Variants in PRKCB observed in about 807,000 individuals in gnomAD.
The protein encoded by PRKCB is protein kinase C beta type.
PRKCB carries 13 observed loss-of-function variants against 81.5 expected under a neutral mutation model. The ratio of observed to expected loss-of-function variants is 0.16; its 90% CI spans 0.10 to 0.25. The LOEUF (loss-of-function observed/expected upper bound fraction) is 0.25, where lower values mean the gene tolerates loss of function less well. PRKCB is among the 10% of genes least tolerant of loss of function. PRKCB has a pLI of 1.00. For synonymous variants in PRKCB, 335 were observed against 321.4 expected, an observed-to-expected ratio of 1.04 and a Z score of -0.45; for missense variants, 509 against 875.7, an observed-to-expected ratio of 0.58 and a Z score of 5.29.
chr16:23,844,868 C>G (rs1962339612), intron 2 of PRKCB, among the ~76,000 whole-genome samples: 1 of 150,738 alleles, frequency 6.6e-6, no homozygotes, highest in African/African-American at 2.4e-5. Context: ...GTAGTACGAT[C>G]TTGGTTCACT....
At chr16:23,879,790 G>A (rs192036250) in intron 2 of PRKCB, among the ~76,000 whole-genome samples, 4 of 152,168 alleles carry the variant, frequency 2.6e-5, no homozygotes, top group Admixed American at 6.6e-5. Flanking sequence ...CACTGAGCCC[G>A]GTGCCCTGGT....
chr16:24,034,552 T>C (rs1965589225), intron 4 of PRKCB, among the ~76,000 whole-genome samples: 1 of 152,216 alleles, frequency 6.6e-6, no homozygotes, highest in Non-Finnish European at 1.5e-5. Flanking sequence ...ACATGAGAGA[T>C]GGCCGAAGGC....
intron 2 of PRKCB, among the ~76,000 whole-genome samples, chr16:23,856,179 T>C (rs183629517): frequency 6.6e-6 from 1 of 152,316 alleles, no homozygotes; most frequent in African/African-American, 2.4e-5. Context: ...TCCTGGGTCA[T>C]CCAGCTACCA....
At chr16:24,007,963 C>T (rs1160325990) in intron 3 of PRKCB, among the ~76,000 whole-genome samples, 1 of 151,684 alleles carries the variant, frequency 6.6e-6, no homozygotes, top group Admixed American at 6.6e-5. Context: ...GGCTCCCCCA[C>T]CTCCAGTGGT....
At chr16:24,002,230 T>C (rs1965044983) in intron 3 of PRKCB, among the ~76,000 whole-genome samples, 1 of 152,152 alleles carries the variant, frequency 6.6e-6, no homozygotes, top group Non-Finnish European at 1.5e-5. Flanking sequence ...TGCGTCCTCT[T>C]TTCCTCCACC....
Position 24,021,044 on chromosome 16 carries a change from T to TTATTTATTTCTTTCTTTC in PRKCB, c.289-11091_289-11090insATTTATTTCTTTCTTTCT, listed in dbSNP as rs1965367203. ...TCTTTCTTTCTTTCTTTCTTTCTCTTTCTTTCTTTCTTTCCCTCCCTCCCT... is the reference window on the plus strand; with the variant it reads ...TCTTTCTTTCTTTCTTTCTTTCTCTTTATTTATTTCTTTCTTTCTCTTTCTTTCTTTCCCTCCCTCCCT... On this transcript the variant is annotated intron_variant, in intron 3 of 16. Coordinates refer to ENST00000643927, the MANE Select transcript of PRKCB (RefSeq NM_002738.7). Among the ~76,000 whole-genome samples the TTATTTATTTCTTTCTTTC allele has an allele frequency of 9.1e-4, 71 of 78,000 alleles. 3 individuals are homozygous for TTATTTATTTCTTTCTTTC. Among genetic ancestry groups the TTATTTATTTCTTTCTTTC allele is most frequent in the African/African-American group, 4.1e-3 (66 of 16,198 alleles). 51.2% of individuals were successfully genotyped at this position (78,000 alleles called of 152,430 possible).
chr16:23,935,908 C>T (rs754058012), intron 2 of PRKCB, among the ~76,000 whole-genome samples: 2 of 152,148 alleles, frequency 1.3e-5, no homozygotes, highest in Non-Finnish European at 1.5e-5. Flanking sequence ...AACTACCTGT[C>T]GAGCACTGTG....
intron 2 of PRKCB, among the ~76,000 whole-genome samples, chr16:23,930,224 G>T (rs915846862): frequency 1.1e-4 from 16 of 152,088 alleles, no homozygotes; most frequent in African/African-American, 3.6e-4. Context: ...ACTTTGTATG[G>T]ATTGTATGGA....
At chr16:23,992,118 G>A (rs142780608) in intron 3 of PRKCB, among the ~76,000 whole-genome samples, 1 of 152,322 alleles carries the variant, frequency 6.6e-6, no homozygotes, top group Non-Finnish European at 1.5e-5. Context: ...ATGAGAAAGT[G>A]AGCTCTCACT....
At chr16:23,982,966 G>A (rs1964757769) in intron 2 of PRKCB, among the ~76,000 whole-genome samples, 1 of 152,238 alleles carries the variant, frequency 6.6e-6, no homozygotes. Flanking sequence ...TGGGGTCAGA[G>A]GGCTGCAGGC....
chr16:23,876,073 A>G (rs1963009692), intron 2 of PRKCB, among the ~76,000 whole-genome samples: 1 of 152,140 alleles, frequency 6.6e-6, no homozygotes, highest in Non-Finnish European at 1.5e-5. Context: ...TTTAAGGTTG[A>G]CATATATTCA....
intron 2 of PRKCB, among the ~76,000 whole-genome samples, chr16:23,866,523 T>C (rs1349631712): frequency 6.6e-6 from 1 of 151,736 alleles, no homozygotes. Context: ...GTGTCTCTTA[T>C]AGAACTCTGT....
intron 2 of PRKCB, among the ~76,000 whole-genome samples, chr16:23,910,621 AT>A (rs780166992): frequency 2.0e-5 from 3 of 152,128 alleles, no homozygotes; most frequent in Non-Finnish European, 2.9e-5. Context: ...AGAGATATTG[AT>A]TTTTTTAATC....
chr16:23,873,040 A>G (rs965760602), intron 2 of PRKCB, among the ~76,000 whole-genome samples: 1 of 151,586 alleles, frequency 6.6e-6, no homozygotes, highest in African/African-American at 2.4e-5. Context: ...AAATAAAAAA[A>G]AAATTAGCTG....
chr16:24,074,302 A>G (rs1421359120), intron 5 of PRKCB, among the ~76,000 whole-genome samples: 3 of 152,218 alleles, frequency 2.0e-5, no homozygotes, highest in African/African-American at 7.2e-5. Context: ...CTAAGAGTGC[A>G]GCCTTGGGAG....
intron 2 of PRKCB, among the ~76,000 whole-genome samples, chr16:23,847,402 AT>A (rs1962394176): frequency 6.6e-6 from 1 of 151,266 alleles, no homozygotes; most frequent in South Asian, 2.1e-4. Context: ...CTATCCATCC[AT>A]CCACCTATCC....
intron 5 of PRKCB, among the ~76,000 whole-genome samples, chr16:24,057,744 G>A (rs79154356): frequency 7.3e-4 from 111 of 152,204 alleles, no homozygotes; most frequent in Non-Finnish European, 1.3e-3. Flanking sequence ...AGTTCTGGAT[G>A]GGGCAGAGAT....
intron 2 of PRKCB, among the ~76,000 whole-genome samples, chr16:23,967,012 A>AC (rs561573826): frequency 4.1e-5 from 6 of 147,242 alleles, no homozygotes; most frequent in African/African-American, 1.5e-4. Context: ...AGTGGTTTCC[A>AC]TTTTTTTTTT....
intron 2 of PRKCB, among the ~76,000 whole-genome samples, chr16:23,894,681 G>T (rs181246115): frequency 1.3e-5 from 2 of 152,152 alleles, no homozygotes; most frequent in African/African-American, 4.8e-5. Context: ...TGAGGGAAAA[G>T]AATATTTTTT....
Sources: gnomAD v4.1 joint callset for allele counts (sites outside exome capture counted in the v4.1 genomes callset) on GRCh38, gnomAD v4.1.1 for gene constraint, MANE v1.5 for transcripts, NCBI Gene and HGNC (gene_info 2026-07-23, HGNC 2026-07-21) for gene names.